The following CMTM4 variants were observed in gnomAD, a reference collection of about 807,000 sequenced individuals.
CMTM4 encodes the protein CKLF-like MARVEL transmembrane domain-containing protein 4.
In CMTM4, 8 loss-of-function variants were observed where a neutral mutation model predicts 19.0. That is an observed-to-expected ratio of 0.42 (90% confidence interval 0.25 to 0.76). The LOEUF (loss-of-function observed/expected upper bound fraction) is 0.76. CMTM4 is among the 30% of genes least tolerant of loss of function. The probability of loss-of-function intolerance (pLI) is 0.27; values close to 1 mark genes in which losing one functional copy is unlikely to be tolerated. For synonymous variants in CMTM4, 106 were observed against 121.1 expected (o/e 0.88, Z 0.82); for missense variants, 228 against 290.2 (o/e 0.79, Z 1.56).
At chr16:66,666,012 C>T (rs2016586350) in intron 1 of CMTM4, among the ~76,000 whole-genome samples, 1 of 151,686 alleles carries the variant, frequency 6.6e-6, no homozygotes, top group Non-Finnish European at 1.5e-5. Context: ...ACGGAGGTTG[C>T]AGTGAGCGGA....
Position 66,620,935 on chromosome 16 carries a change from A to AT in CMTM4, c.*1122dup, listed in dbSNP as rs750649767. On this transcript the variant is annotated 3_prime_UTR_variant, in exon 4 of 4. Coordinates refer to ENST00000394106, the MANE Select transcript of CMTM4 (RefSeq NM_181521.3). The stretch of plus-strand genomic sequence containing the variant: ...CAATCAGAAACCTTAAGTAGCTAGG[A>AT]TTTTTCCCCCCAACAACTCCCAAGA... 8.1e-6 allele frequency: 8 copies of AT among 985,722 alleles called. No individual in the cohort carries two copies. The highest frequency in any genetic ancestry group is 9.6e-6 in the Non-Finnish European group (8 of 829,946). The allele number at this position is 985,722 out of a possible 1,614,324, so 61.1% of individuals were successfully genotyped here. A position where few individuals can be genotyped will look rare whatever the true frequency, so the allele number is the denominator to read the frequency against.
chr16:66,663,629 G>A (rs537271312), intron 1 of CMTM4, among the ~76,000 whole-genome samples: 11 of 125,852 alleles, frequency 8.7e-5, no homozygotes, highest in East Asian at 8.3e-4. Flanking sequence ...TGCAACCTCC[G>A]CCTCCCGAAT....
intron 1 of CMTM4, among the ~76,000 whole-genome samples, chr16:66,678,430 C>T (rs2016846655): frequency 6.6e-6 from 1 of 152,206 alleles, no homozygotes; most frequent in Non-Finnish European, 1.5e-5. Context: ...ATTGTGAATG[C>T]TTTCGAAATG....
chr16:66,663,532 CTTTTTTTTTTTTTTTTTT>C (rs1178140315), intron 1 of CMTM4, among the ~76,000 whole-genome samples: 1 of 55,256 alleles, frequency 1.8e-5, no homozygotes, highest in South Asian at 6.7e-4. Flanking sequence ...TTTTCATTTG[CTTTTTTTTTTTTTTTTTT>C]TTTTTTTTTT....
intron 1 of CMTM4, among the ~76,000 whole-genome samples, chr16:66,673,027 C>A (rs355933): frequency 0.083 from 11,856 of 142,710 alleles, 699 homozygotes; most frequent in East Asian, 0.23. Context: ...CTCCTGCCCC[C>A]GCCTCCCAAG....
At chr16:66,640,352 G>T (rs1382305296) in intron 1 of CMTM4, among the ~76,000 whole-genome samples, 1 of 152,156 alleles carries the variant, frequency 6.6e-6, no homozygotes, top group Non-Finnish European at 1.5e-5. Flanking sequence ...TGTCCCTGGA[G>T]GGTGCTATTT....
rs2015637289 is a variant in CMTM4, at chr16:66,621,671, C to T, written c.*387G>A. The T allele has an allele frequency of 4.9e-6, 5 of 1,026,046 alleles. No individual in the cohort carries two copies. The highest frequency in any genetic ancestry group is 3.9e-5 in the South Asian group (1 of 25,462). The allele number at this position is 1,026,046 out of a possible 1,614,324, so 63.6% of individuals were successfully genotyped here. A position where few individuals can be genotyped will look rare whatever the true frequency, so the allele number is the denominator to read the frequency against. The stretch of plus-strand genomic sequence containing the variant: ...CCTAAGGCTGCCTGAGAACCACTGC[C>T]GACTGACCGTTCCAATGCTGTCCCT... On this transcript the variant is annotated 3_prime_UTR_variant, in exon 4 of 4. Coordinates refer to ENST00000394106, the MANE Select transcript of CMTM4 (RefSeq NM_181521.3).
intron 1 of CMTM4, among the ~76,000 whole-genome samples, chr16:66,686,039 G>C (rs867122350): frequency 7.9e-5 from 12 of 152,150 alleles, no homozygotes; most frequent in East Asian, 1.9e-4. Context: ...TGGATCACGA[G>C]GTCAAGAGAT....
chr16:66,677,901 C>G (rs1176622123), intron 1 of CMTM4, among the ~76,000 whole-genome samples: 1 of 152,164 alleles, frequency 6.6e-6, no homozygotes, highest in African/African-American at 2.4e-5. Flanking sequence ...TTTCACCACG[C>G]TGGCCAGGCT....
In CMTM4 at chr16:66,637,029, C is replaced by T. The variant is rs189280793; in HGVS notation, c.187-448G>A. On this transcript the variant is annotated intron_variant, in intron 1 of 3. Transcript: ENST00000394106. ...AATTCTGATGGTGTCTGACTTGTGCCATCTGCAGTTACCTTGGTGGCTCCT... is the reference window on the plus strand; with the variant it reads ...AATTCTGATGGTGTCTGACTTGTGCTATCTGCAGTTACCTTGGTGGCTCCT... Among the ~76,000 whole-genome samples the T allele has an allele frequency of 2.3e-4, 35 of 152,282 alleles. No homozygotes were observed. In the East Asian group the frequency reaches 5.2e-3, roughly 23 times the overall value.
chr16:66,625,562 A>T (rs1049204007), intron 2 of CMTM4, among the ~76,000 whole-genome samples: 1 of 152,190 alleles, frequency 6.6e-6, no homozygotes, highest in Non-Finnish European at 1.5e-5. Flanking sequence ...GAGATGATGA[A>T]TGGGAACAGC....
chr16:66,671,512 A>G (rs2016707056), intron 1 of CMTM4, among the ~76,000 whole-genome samples: 1 of 152,176 alleles, frequency 6.6e-6, no homozygotes, highest in African/African-American at 2.4e-5. Context: ...GGGCTCACTG[A>G]TCCCTTCTAG....
the CMTM4 span, chr16:66,604,056 G>C: frequency 6.5e-6 from 1 of 153,056 alleles, no homozygotes; most frequent in Non-Finnish European, 1.5e-5. Context: ...GTGTGTGAGA[G>C]AGAGAGATGT....
intron 2 of CMTM4, among the ~76,000 whole-genome samples, chr16:66,625,489 T>C (rs1286182311): frequency 6.6e-6 from 1 of 151,332 alleles, no homozygotes; most frequent in Non-Finnish European, 1.5e-5. Flanking sequence ...TTTAAAGTTG[T>C]AGGAGTATCA....
chr16:66,653,133 C>T (rs1402549352), intron 1 of CMTM4, among the ~76,000 whole-genome samples: 1 of 152,148 alleles, frequency 6.6e-6, no homozygotes. Context: ...AAAACCTCCC[C>T]CTTTCCTTCC....
At chr16:66,669,134 G>T (rs904900202) in intron 1 of CMTM4, among the ~76,000 whole-genome samples, 3 of 152,110 alleles carry the variant, frequency 2.0e-5, no homozygotes, top group African/African-American at 7.2e-5. Context: ...GCCTACAATG[G>T]AAAACTACTC....
In CMTM4 at chr16:66,620,281, C is replaced by T; in HGVS notation, c.*1777G>A. On this transcript the variant is annotated 3_prime_UTR_variant, in exon 4 of 4. Coordinates refer to ENST00000394106, the MANE Select transcript of CMTM4 (RefSeq NM_181521.3). ...TTGCAAACACACTCAACAGACCTGA[C>T]AGGCAGCACACCCAGCTGTGAGCTG... The T allele has an allele frequency of 2.0e-6, 2 of 985,434 alleles. No homozygotes were observed. The highest frequency in any genetic ancestry group is 2.4e-6 in the Non-Finnish European group (2 of 829,944). 61.0% of individuals were successfully genotyped at this position (985,434 alleles called of 1,614,324 possible). A position where few individuals can be genotyped will look rare whatever the true frequency, so the allele number is the denominator to read the frequency against.
intron 1 of CMTM4, among the ~76,000 whole-genome samples, chr16:66,644,517 G>GC (rs200252989): frequency 9.5e-4 from 144 of 152,178 alleles, no homozygotes; most frequent in African/African-American, 3.2e-3. Flanking sequence ...TCAAAAGAAG[G>GC]CCCCCCCTTT....
intron 2 of CMTM4, among the ~76,000 whole-genome samples, chr16:66,625,695 A>G (rs2015724939): frequency 6.6e-6 from 1 of 152,346 alleles, no homozygotes; most frequent in South Asian, 2.1e-4. Flanking sequence ...AACTGCTAAC[A>G]AGAGCATAAC....
Sources: gnomAD v4.1 joint callset for allele counts (sites outside exome capture counted in the v4.1 genomes callset) on GRCh38, gnomAD v4.1.1 for gene constraint, MANE v1.5 for transcripts, NCBI Gene and HGNC (gene_info 2026-07-23, HGNC 2026-07-21) for gene names.